The following FAM222B variants were observed in gnomAD, a reference collection of about 807,000 sequenced individuals.
The protein encoded by FAM222B is protein FAM222B.
In FAM222B, 12 loss-of-function variants were observed where a neutral mutation model predicts 38.0. The ratio of observed to expected loss-of-function variants is 0.32; its 90% CI spans 0.20 to 0.51. The LOEUF is 0.51. FAM222B is among the 20% of genes least tolerant of loss of function. The pLI is 0.97. For missense variants in FAM222B, 716 were observed against 754.2 expected (o/e 0.95, Z 0.59); for synonymous variants, 329 against 317.2 (o/e 1.04, Z -0.40).
chr17:28,839,906 C>G (rs1015204750), intron 1 of FAM222B, among the ~76,000 whole-genome samples: 4 of 151,148 alleles, frequency 2.6e-5, no homozygotes, highest in African/African-American at 9.7e-5. Flanking sequence ...AAATTCACTC[C>G]CCTTATTTGT....
chr17:28,816,650 C>A (rs1422146802), intron 1 of FAM222B, among the ~76,000 whole-genome samples: 2 of 151,124 alleles, frequency 1.3e-5, no homozygotes, highest in South Asian at 2.1e-4. Context: ...CAAAAAAAAA[C>A]AATGATTGCA....
At chr17:28,774,785 T>C (rs1017824681) in intron 1 of FAM222B, among the ~76,000 whole-genome samples, 6 of 151,382 alleles carry the variant, frequency 4.0e-5, no homozygotes, top group African/African-American at 1.5e-4. Context: ...CTACTAAAAA[T>C]ACAAAAATTA....
chr17:28,808,449 G>T (rs2037591644), intron 1 of FAM222B, among the ~76,000 whole-genome samples: 1 of 152,198 alleles, frequency 6.6e-6, no homozygotes, highest in Non-Finnish European at 1.5e-5. Flanking sequence ...GGCCTTCACT[G>T]AGAACAGACT....
rs1555576399 is a variant in FAM222B, at chr17:28,792,795, A to AG, written c.-40-26089_-40-26088insC. Among the ~76,000 whole-genome samples, 521 of 150,348 alleles carry AG rather than the reference A, an allele frequency of 3.5e-3. 3 individuals are homozygous for AG. Among genetic ancestry groups the AG allele is most frequent in the East Asian group, 0.019 (95 of 5,120 alleles). ...GGCCCTATTTCAAAAAAAAAAAAAA[A>AG]AAAGAAAGAAGAAACAAACAGAAAG... On this transcript the variant is annotated intron_variant, in intron 1 of 2. Transcript: ENST00000581407.
At chr17:28,813,702 ATTTT>A (rs571045731) in intron 1 of FAM222B, among the ~76,000 whole-genome samples, 1 of 135,304 alleles carries the variant, frequency 7.4e-6, no homozygotes, top group East Asian at 2.1e-4. Flanking sequence ...CGCCCAGCTA[ATTTT>A]TTTTTTTTTT....
At chr17:28,794,058 T>G (rs535985940) in intron 1 of FAM222B, among the ~76,000 whole-genome samples, 4 of 151,746 alleles carry the variant, frequency 2.6e-5, no homozygotes, top group African/African-American at 9.7e-5. Context: ...TCAACCAAAT[T>G]TTTATGCAGC....
chr17:28,813,141 ACAC>A (rs1324617105), intron 1 of FAM222B, among the ~76,000 whole-genome samples: 3 of 127,326 alleles, frequency 2.4e-5, no homozygotes, highest in African/African-American at 9.1e-5. Context: ...AAAAAAAAAA[ACAC>A]ACACATACAA....
intron 1 of FAM222B, among the ~76,000 whole-genome samples, chr17:28,852,183 C>T (rs1448609259): frequency 6.6e-6 from 1 of 151,656 alleles, no homozygotes; most frequent in Non-Finnish European, 1.5e-5. Flanking sequence ...CAGGCTAACA[C>T]AGTAAAACAC....
At chr17:28,807,679 T>A (rs1262533277) in intron 1 of FAM222B, among the ~76,000 whole-genome samples, 1 of 152,196 alleles carries the variant, frequency 6.6e-6, no homozygotes, top group Non-Finnish European at 1.5e-5. Context: ...AGTCACCACA[T>A]CTGGCCCAAA....
chr17:28,846,409 C>T (rs1567914180), upstream of FAM222B, among the ~76,000 whole-genome samples: 3 of 150,932 alleles, frequency 2.0e-5, no homozygotes, highest in African/African-American at 4.9e-5. Flanking sequence ...AGGCCAGGTA[C>T]GGTGACTCAC....
intron 1 of FAM222B, among the ~76,000 whole-genome samples, chr17:28,836,740 G>A (rs1041860595): frequency 4.6e-5 from 7 of 152,112 alleles, no homozygotes; most frequent in Non-Finnish European, 1.0e-4. Context: ...TAGGTCAGGG[G>A]TCGATCTTTA....
upstream of FAM222B, among the ~76,000 whole-genome samples, chr17:28,843,442 CTT>C (rs1161514672): frequency 4.6e-5 from 4 of 86,996 alleles, no homozygotes; most frequent in African/African-American, 1.8e-4. Context: ...CAGCCTGGGT[CTT>C]TTTTTTTTTT....
intron 1 of FAM222B, among the ~76,000 whole-genome samples, chr17:28,768,836 CAAAAAAAAAAAAAAA>C (rs71359249): frequency 1.4e-5 from 1 of 70,878 alleles, no homozygotes; most frequent in African/African-American, 5.5e-5. Flanking sequence ...AACTCTGTCT[CAAAAAAAAAAAAAAA>C]AAAAAAAAAG....
Position 28,757,298 on chromosome 17 carries a change from A to C in FAM222B, c.*972T>G, listed in dbSNP as rs1042278787. ...ACACAATGCTACTCAAACCCACACT[A>C]CATTCATACAGAAACGTAACGTTTA... On this transcript the variant is annotated 3_prime_UTR_variant, in exon 3 of 3. Transcript: ENST00000581407. 6 of 152,604 alleles carry C rather than the reference A, an allele frequency of 3.9e-5. No individual in the cohort carries two copies. The highest frequency in any genetic ancestry group is 1.4e-4 in the African/African-American group (6 of 41,434). The allele number at this position is 152,604 out of a possible 1,614,324, so 9.5% of individuals were successfully genotyped here.
At chr17:28,853,577 T>C (rs554126488) in intron 1 of FAM222B, among the ~76,000 whole-genome samples, 2 of 152,320 alleles carry the variant, frequency 1.3e-5, no homozygotes, top group East Asian at 1.9e-4. Context: ...GTAAGTGCTA[T>C]ATAAATAGTT....
At chr17:28,792,053 T>C (rs2036715415) in intron 1 of FAM222B, among the ~76,000 whole-genome samples, 1 of 151,362 alleles carries the variant, frequency 6.6e-6, no homozygotes, top group Admixed American at 6.6e-5. Context: ...GGCTCACGCC[T>C]GTAATCCCAG....
intron 1 of FAM222B, among the ~76,000 whole-genome samples, chr17:28,810,469 TATACTA>T (rs2151923221): frequency 1.3e-5 from 2 of 151,982 alleles, no homozygotes; most frequent in Non-Finnish European, 2.9e-5. Flanking sequence ...CTTTGTTTTA[TATACTA>T]GCTAACTTTG....
At chr17:28,764,261 G>A (rs2151774305) in intron 2 of FAM222B, among the ~76,000 whole-genome samples, 1 of 105,400 alleles carries the variant, frequency 9.5e-6, no homozygotes, top group African/African-American at 3.8e-5. Flanking sequence ...GACAGAGGGA[G>A]ACTCCATCTC....
chr17:28,764,864 C>CA, intron 2 of FAM222B, among the ~76,000 whole-genome samples: 1 of 152,236 alleles, frequency 6.6e-6, no homozygotes, highest in Non-Finnish European at 1.5e-5. Context: ...GTAAAGCTGT[C>CA]AGAGTGTGTT....
Sources: gnomAD v4.1 joint callset for allele counts (sites outside exome capture counted in the v4.1 genomes callset) on GRCh38, gnomAD v4.1.1 for gene constraint, MANE v1.5 for transcripts, NCBI Gene and HGNC (gene_info 2026-07-23, HGNC 2026-07-21) for gene names.